The following GGCX variants were observed in gnomAD, a reference collection of about 807,000 sequenced individuals.
GGCX encodes the protein vitamin K-dependent gamma-carboxylase.
In GGCX, 63 loss-of-function variants were observed where a neutral mutation model predicts 88.5. The observed-to-expected ratio is 0.71, with a 90% CI of 0.58 to 0.88. The LOEUF is 0.88. Ranked by LOEUF, GGCX falls within the 40% of genes least tolerant of loss-of-function variation. The probability of loss-of-function intolerance (pLI) is 0.00; values close to 1 mark genes in which losing one functional copy is unlikely to be tolerated. For missense variants in GGCX, 805 were observed against 932.9 expected, an observed-to-expected ratio of 0.86 and a Z score of 1.79; for synonymous variants, 368 against 365.8, an observed-to-expected ratio of 1.01 and a Z score of -0.07.
At chr2:85,553,991 T>C (rs1692094570) in intron 7 of GGCX, 152 bp downstream of exon 7, 1 of 726,676 alleles carries the variant, frequency 1.4e-6, no homozygotes, top group East Asian at 2.6e-5. Context: ...CCCAGTCCTC[T>C]TATCCCCATT....
In GGCX at chr2:85,546,450, C is replaced by T. The variant is rs934529285; in HGVS notation, c.*3484G>A. The T allele has an allele frequency of 5.9e-5, 9 of 151,806 alleles. No individual in the cohort carries two copies. Among genetic ancestry groups the T allele is most frequent in the African/African-American group, 1.9e-4 (8 of 41,268 alleles). 9.4% of individuals were successfully genotyped at this position (151,806 alleles called of 1,614,324 possible). A position where few individuals can be genotyped will look rare whatever the true frequency, so the allele number is the denominator to read the frequency against. Reference sequence around the variant, plus strand: ...AGCCGTGGAAATCTGGGTATGGTAGCTTACACCTGTAATCCCAGCACTTTG... The same window carrying T: ...AGCCGTGGAAATCTGGGTATGGTAGTTTACACCTGTAATCCCAGCACTTTG... On this transcript the variant is annotated 3_prime_UTR_variant, in exon 15 of 15. Coordinates refer to ENST00000233838, the MANE Select transcript of GGCX (RefSeq NM_000821.7).
rs767509911 is a variant in GGCX at position 85,552,583 on chromosome 2, A to G, written c.1288-16T>C. 20 of 1,611,158 alleles carry G rather than the reference A, an allele frequency of 1.2e-5. No homozygotes were observed. Among genetic ancestry groups the G allele is most frequent in the African/African-American group, 2.7e-5 (2 of 74,754 alleles). Reference sequence around the variant, plus strand: ...GTGTAAATACCTGCCCCAAACCCCCATATTAGTCCCACCTCATCATTATCA... The same window carrying G: ...GTGTAAATACCTGCCCCAAACCCCCGTATTAGTCCCACCTCATCATTATCA... On this transcript the variant is annotated splice_polypyrimidine_tract_variant and intron_variant, in intron 9 of 14. Transcript: ENST00000233838.
Position 85,548,897 on chromosome 2 carries a change from T to C in GGCX, c.*1037A>G, listed in dbSNP as rs184378248. 1 of 152,322 alleles carries C rather than the reference T, an allele frequency of 6.6e-6. No individual in the cohort carries two copies. Among genetic ancestry groups the C allele is most frequent in the Non-Finnish European group, 1.5e-5 (1 of 68,028 alleles). 9.4% of individuals were successfully genotyped at this position (152,322 alleles called of 1,614,324 possible). On this transcript the variant is annotated 3_prime_UTR_variant, in exon 15 of 15. Coordinates refer to ENST00000233838, the MANE Select transcript of GGCX (RefSeq NM_000821.7). Reference sequence around the variant, plus strand: ...AGAATAATACCAAATACTAAGCTTATTTTTAGAGAAAATCTAGCAATCATC... The same window carrying C: ...AGAATAATACCAAATACTAAGCTTACTTTTAGAGAAAATCTAGCAATCATC...
At chr2:85,559,652 T>G (rs1189372940) in intron 2 of GGCX, among the ~76,000 whole-genome samples, 1 of 150,250 alleles carries the variant, frequency 6.7e-6, no homozygotes, top group Non-Finnish European at 1.5e-5. Flanking sequence ...GAGGCGGAGG[T>G]TGCAGTGAGC....
At chr2:85,554,003 A>G in intron 7 of GGCX, 140 bp downstream of exon 7, 2 of 746,580 alleles carry the variant, frequency 2.7e-6, no homozygotes, top group Non-Finnish European at 4.9e-6. Flanking sequence ...ATCCCCATTT[A>G]TGCCTACTTC....
intron 11 of GGCX, 100 bp from the exon 12 acceptor site, chr2:85,551,710 G>A: frequency 6.4e-7 from 1 of 1,572,606 alleles, no homozygotes; most frequent in Non-Finnish European, 8.7e-7. Context: ...CATCCCCTTA[G>A]GTTTCAAAAA....
Position 85,552,574 on chromosome 2 carries a change from C to T in GGCX, c.1288-7G>A, listed in dbSNP as rs1255015931. On this transcript the variant is annotated splice_region_variant and splice_polypyrimidine_tract_variant and intron_variant, in intron 9 of 14. Transcript: ENST00000233838. ...GCCGACTCTGTGTAAATACCTGCCC[C>T]AAACCCCCATATTAGTCCCACCTCA... 1 of 1,612,756 alleles carries T rather than the reference C, an allele frequency of 6.2e-7. No homozygotes were observed. Among genetic ancestry groups the T allele is most frequent in the Non-Finnish European group, 8.5e-7 (1 of 1,179,686 alleles).
At chr2:85,561,243 C>T in intron 1 of GGCX, 143 bp downstream of exon 1, 1 of 650,262 alleles carries the variant, frequency 1.5e-6, no homozygotes, top group Non-Finnish European at 2.7e-6. Flanking sequence ...CCGCAGGCTG[C>T]AAATGTCTCA....
At chr2:85,553,536 G>A (rs772868493) in intron 7 of GGCX, 39 bp from the exon 8 acceptor site, 2 of 1,607,790 alleles carry the variant, frequency 1.2e-6, no homozygotes, top group South Asian at 2.2e-5. Flanking sequence ...TCAGGAGTTT[G>A]GCTGGGCCTC....
At position 85,561,490 on chromosome 2, in the gene GGCX, A is replaced by G; in HGVS notation, c.-62T>C. ...CGTCTGAACGGAGGCCGCCAGGAGA[A>G]TTTGCTTCCCTAGGCTCCGCCTCCC... On this transcript the variant is annotated 5_prime_UTR_variant, in exon 1 of 15. Coordinates refer to ENST00000233838, the MANE Select transcript of GGCX (RefSeq NM_000821.7). The G allele has an allele frequency of 1.6e-6, 2 of 1,257,754 alleles. No individual in the cohort carries two copies. The highest frequency in any genetic ancestry group is 1.5e-5 in the African/African-American group (1 of 67,164). 77.9% of individuals were successfully genotyped at this position (1,257,754 alleles called of 1,614,324 possible).
chr2:85,553,613 T>C (rs1405904584), intron 7 of GGCX, 116 bp from the exon 8 acceptor site: 3 of 1,023,052 alleles, frequency 2.9e-6, no homozygotes, highest in Admixed American at 3.9e-5. Flanking sequence ...GTTCTTCTTT[T>C]TTTTTTGAGA....
rs1178624652 is a variant in GGCX at position 85,549,840 on chromosome 2, AAAC to A, written c.*91_*93del. 3 of 744,032 alleles carry A rather than the reference AAAC, an allele frequency of 4.0e-6. No individual in the cohort carries two copies. Among genetic ancestry groups the A allele is most frequent in the South Asian group, 1.5e-5 (1 of 66,566 alleles). 46.1% of individuals were successfully genotyped at this position (744,032 alleles called of 1,614,324 possible). A position where few individuals can be genotyped will look rare whatever the true frequency, so the allele number is the denominator to read the frequency against. ...CCCCGCCCCCCCAAAAAAAAAAAAA[AAAC>A]TTTTGAGAATTTTTTTCAAATAAAT... On this transcript the variant is annotated 3_prime_UTR_variant, in exon 15 of 15. Transcript: ENST00000233838.
chr2:85,561,367 G>C lies in GGCX; in HGVS notation c.43+19C>G, dbSNP rs776586189. 2.0e-6 allele frequency: 3 copies of C among 1,535,850 alleles called. No individual in the cohort carries two copies. The highest frequency in any genetic ancestry group is 2.7e-6 in the Non-Finnish European group (3 of 1,130,014). On this transcript the variant is annotated intron_variant, in intron 1 of 14. Transcript: ENST00000233838. ...CGCTCCTAGGAACTCTCCGCCGGAG[G>C]GCGGGGTCCTAAGCCTACCTGAGCT...
At position 85,548,887 on chromosome 2, in the gene GGCX, A is replaced by G. The variant is rs534969566; in HGVS notation, c.*1047T>C. 2.4e-4 allele frequency: 36 copies of G among 152,310 alleles called. No homozygotes were observed. Among genetic ancestry groups the G allele is most frequent in the African/African-American group, 8.4e-4 (35 of 41,574 alleles). 9.4% of individuals were successfully genotyped at this position (152,310 alleles called of 1,614,324 possible). On this transcript the variant is annotated 3_prime_UTR_variant, in exon 15 of 15. Transcript: ENST00000233838. Reference sequence around the variant, plus strand: ...ACCAAAGGCTAGAATAATACCAAATACTAAGCTTATTTTTAGAGAAAATCT... The same window carrying G: ...ACCAAAGGCTAGAATAATACCAAATGCTAAGCTTATTTTTAGAGAAAATCT...
intron 1 of GGCX, 108 bp downstream of exon 1, chr2:85,561,278 G>GC (rs1692444943): frequency 1.0e-4 from 58 of 568,522 alleles, no homozygotes; most frequent in South Asian, 1.6e-4. Flanking sequence ...CCCCACAGAG[G>GC]ACCCCCCCCC....
intron 12 of GGCX, 54 bp downstream of exon 12, chr2:85,551,426 G>C: frequency 6.3e-7 from 1 of 1,581,350 alleles, no homozygotes; most frequent in Non-Finnish European, 8.7e-7. Context: ...TGGGATTACT[G>C]GTGTGAGCTA....
Position 85,555,515 on chromosome 2 carries a change from A to G in GGCX, c.694T>C (p.Leu232=), listed in dbSNP as rs1430241963. ...DWVEGYSMEY[L]SRHWLFSPFK... ...GGACTGAAGAGCCAGTGCCGGGACA[A>G]ATATTCCATGGAATAGCCTTCAACC... is the stretch of plus-strand genomic sequence containing the variant. Residue 232 remains leucine, a synonymous_variant, in exon 6 of 15, where the codon TTG becomes CTG. Coordinates refer to ENST00000233838, the MANE Select transcript of GGCX (RefSeq NM_000821.7). The G allele has an allele frequency of 6.2e-7, 1 of 1,603,606 alleles. No homozygotes were observed. Among genetic ancestry groups the G allele is most frequent in the South Asian group, 1.1e-5 (1 of 90,878 alleles).
rs1691823951 is a variant in GGCX at position 85,549,450 on chromosome 2, C to CTCCT, written c.*480_*483dup. On this transcript the variant is annotated 3_prime_UTR_variant, in exon 15 of 15. Coordinates refer to ENST00000233838, the MANE Select transcript of GGCX (RefSeq NM_000821.7). ...GATCTCGGCTCACTGCAACCTCCAC[C>CTCCT]TCCTGGGCCCAAGCGATTCTCATGC... The CTCCT allele has an allele frequency of 5.8e-6, 1 of 172,310 alleles. No homozygotes were observed. The highest frequency in any genetic ancestry group is 2.4e-5 in the African/African-American group (1 of 41,546). The allele number at this position is 172,310 out of a possible 1,614,324, so 10.7% of individuals were successfully genotyped here. A position where few individuals can be genotyped will look rare whatever the true frequency, so the allele number is the denominator to read the frequency against.
chr2:85,558,461 A>G lies in GGCX; in HGVS notation c.518T>C (p.Phe173Ser). 6.2e-7 allele frequency: 1 copy of G among 1,614,032 alleles called. No homozygotes were observed. Among genetic ancestry groups the G allele is most frequent in the Non-Finnish European group, 8.5e-7 (1 of 1,179,900 alleles). ...LYGLLAFQLT[F>S]MDANHYWSVD... is the part of the protein sequence containing the mutation. ...ATACCAGTAGTGGTTTGCATCCATGAATGTTAGCTGAAAGGCCAACAACCC... is the reference window on the plus strand; with the variant it reads ...ATACCAGTAGTGGTTTGCATCCATGGATGTTAGCTGAAAGGCCAACAACCC... Residue 173 changes from phenylalanine to serine, a missense_variant, in exon 4 of 15, where the codon TTC becomes TCC. Phe to Ser is a radical substitution (Grantham distance 155). Transcript: ENST00000233838.
Sources: allele counts gnomAD v4.1 joint callset (sites outside exome capture counted in the v4.1 genomes callset), GRCh38; gene constraint gnomAD v4.1.1; transcripts MANE v1.5; gene names NCBI Gene and HGNC (gene_info 2026-07-23, HGNC 2026-07-21).